CNOT6L: variants seen among roughly 807,000 people sequenced by gnomAD.
The protein encoded by CNOT6L is CCR4-NOT transcription complex subunit 6-like.
In CNOT6L, 7 loss-of-function variants were observed where a neutral mutation model predicts 64.0. The ratio of observed to expected loss-of-function variants is 0.11; its 90% CI spans 0.06 to 0.21. The LOEUF (loss-of-function observed/expected upper bound fraction) is 0.21, where lower values mean the gene tolerates loss of function less well. Ranked by LOEUF, CNOT6L falls within the 10% of genes least tolerant of loss-of-function variation. The pLI is 1.00. For missense variants in CNOT6L, 245 were observed against 669.0 expected (o/e 0.37, Z 6.99); for synonymous variants, 193 against 243.4 (o/e 0.79, Z 1.93).
chr4:77,758,348 A>G (rs565666961), intron 4 of CNOT6L, among the ~76,000 whole-genome samples: 1 of 152,348 alleles, frequency 6.6e-6, no homozygotes, highest in South Asian at 2.1e-4. Context: ...AAAGAAAATC[A>G]GTCATCAAGA....
chr4:77,726,416 C>A, intron 10 of CNOT6L, 47 bp from the exon 11 acceptor site: 1 of 1,415,396 alleles, frequency 7.1e-7, no homozygotes, highest in Non-Finnish European at 9.8e-7. Context: ...TTAGACCTTA[C>A]ACAAGGCTTC....
At chr4:77,819,371 A>C, upstream of CNOT6L, 1 of 1,607,288 alleles carries the variant, frequency 6.2e-7, no homozygotes, top group Non-Finnish European at 8.5e-7. Flanking sequence ...ACACACACAC[A>C]AACACGCGCG....
At position 77,754,165 on chromosome 4, in the gene CNOT6L, T is replaced by C. The variant is rs1269032683; in HGVS notation, c.490+2697A>G. 4.6e-5 allele frequency among the ~76,000 whole-genome samples: 7 copies of C among 152,224 alleles called. No individual in the cohort carries two copies. In the East Asian group the frequency reaches 9.6e-4, roughly 21 times the overall value. The stretch of plus-strand genomic sequence containing the variant: ...TAATTGTATACATTAAAATAAAAAA[T>C]GCATTAGCATTAAAAACTATTTAGC... On this transcript the variant is annotated intron_variant, in intron 5 of 11. Transcript: ENST00000504123.
At chr4:77,740,334 C>T (rs1017085386) in intron 8 of CNOT6L, among the ~76,000 whole-genome samples, 1 of 152,082 alleles carries the variant, frequency 6.6e-6, no homozygotes, top group African/African-American at 2.4e-5. Flanking sequence ...ATCGCCACTG[C>T]ACTCCAGCCT....
At chr4:77,763,747 T>C (rs1726499723) in intron 4 of CNOT6L, among the ~76,000 whole-genome samples, 1 of 152,312 alleles carries the variant, frequency 6.6e-6, no homozygotes, top group Admixed American at 6.5e-5. Context: ...TCATATACTA[T>C]GCCATAGGGC....
intron 4 of CNOT6L, among the ~76,000 whole-genome samples, chr4:77,770,466 A>G (rs527707031): frequency 1.8e-4 from 28 of 152,278 alleles, no homozygotes; most frequent in Admixed American, 1.2e-3. Flanking sequence ...TATCCCTTCA[A>G]TTGCTTCAAA....
At chr4:77,803,805 A>G (rs1731895146) in intron 1 of CNOT6L, among the ~76,000 whole-genome samples, 1 of 152,084 alleles carries the variant, frequency 6.6e-6, no homozygotes, top group African/African-American at 2.4e-5. Context: ...CGGGAGGCTG[A>G]GGCAGGAGAA....
At chr4:77,793,790 T>A (rs1193840014) in intron 1 of CNOT6L, among the ~76,000 whole-genome samples, 1 of 152,078 alleles carries the variant, frequency 6.6e-6, no homozygotes, top group South Asian at 2.1e-4. Flanking sequence ...TGTACAGGTA[T>A]ATGCGTTATA....
At chr4:77,760,308 G>A (rs1726051525) in intron 4 of CNOT6L, among the ~76,000 whole-genome samples, 1 of 152,092 alleles carries the variant, frequency 6.6e-6, no homozygotes, top group Non-Finnish European at 1.5e-5. Context: ...GCTGGAGTTA[G>A]AGGCTACAGT....
In CNOT6L at chr4:77,806,073, T is replaced by C. The variant is rs556501236; in HGVS notation, c.5+13231A>G. Among the ~76,000 whole-genome samples the C allele has an allele frequency of 3.3e-5, 5 of 152,312 alleles. No individual in the cohort carries two copies. In the East Asian group the frequency reaches 9.6e-4, roughly 29 times the overall value. On this transcript the variant is annotated intron_variant, in intron 1 of 11. Transcript: ENST00000504123. ...TTTTAACTTTTTTTAAAAGGCCTCC[T>C]TCTTCCCAGTCCCATCTCCTCAACT...
rs1577908902 is a variant in CNOT6L at position 77,716,675 on chromosome 4, A to G, written c.*3756T>C. 1 of 152,522 alleles carries G rather than the reference A, an allele frequency of 6.6e-6. No individual in the cohort carries two copies. The highest frequency in any genetic ancestry group is 2.1e-4 in the South Asian group (1 of 4,828). 9.4% of individuals were successfully genotyped at this position (152,522 alleles called of 1,614,324 possible). A position where few individuals can be genotyped will look rare whatever the true frequency, so the allele number is the denominator to read the frequency against. On this transcript the variant is annotated 3_prime_UTR_variant, in exon 12 of 12. Transcript: ENST00000504123. ...TAGAATCAAGTGATATGAGCCTTAG[A>G]TATCTTTCAACTTTCTCCCTTGCTT...
chr4:77,735,572 G>C (rs1246740257), intron 8 of CNOT6L, among the ~76,000 whole-genome samples: 1 of 152,096 alleles, frequency 6.6e-6, no homozygotes, highest in Non-Finnish European at 1.5e-5. Context: ...TAACTAGTTA[G>C]TGCAGTTTAG....
chr4:77,816,709 G>A (rs533719018), intron 1 of CNOT6L, among the ~76,000 whole-genome samples: 3 of 152,040 alleles, frequency 2.0e-5, no homozygotes, highest in South Asian at 2.1e-4. Context: ...AATAAATTAC[G>A]TAAGCCCTAC....
At chr4:77,758,260 G>A (rs183542092) in intron 4 of CNOT6L, among the ~76,000 whole-genome samples, 82 of 152,188 alleles carry the variant, frequency 5.4e-4, no homozygotes, top group Middle Eastern at 6.8e-3. Flanking sequence ...ATATTTTACT[G>A]AATGTAATTA....
chr4:77,758,829 A>G (rs999899005), intron 4 of CNOT6L, among the ~76,000 whole-genome samples: 1 of 152,242 alleles, frequency 6.6e-6, no homozygotes, highest in African/African-American at 2.4e-5. Flanking sequence ...AGAGAAAGTA[A>G]TGTTCTCCTT....
At chr4:77,783,689 G>A (rs888854788) in intron 1 of CNOT6L, among the ~76,000 whole-genome samples, 1 of 152,082 alleles carries the variant, frequency 6.6e-6, no homozygotes, top group Non-Finnish European at 1.5e-5. Flanking sequence ...TGGGACTGAA[G>A]ATAATAAGTT....
At chr4:77,759,552 G>A (rs189023084) in intron 4 of CNOT6L, among the ~76,000 whole-genome samples, 11 of 150,150 alleles carry the variant, frequency 7.3e-5, no homozygotes, top group African/African-American at 1.5e-4. Flanking sequence ...GCGACACAGC[G>A]TGACTCCGTC....
chr4:77,812,226 C>T (rs1031766483), intron 1 of CNOT6L, among the ~76,000 whole-genome samples: 6 of 151,870 alleles, frequency 4.0e-5, no homozygotes, highest in African/African-American at 1.2e-4. Context: ...AGGTGGATCA[C>T]GAGGTCGGCA....
At position 77,819,048 on chromosome 4, in the gene CNOT6L, C is replaced by CGA. The variant is rs746671361; in HGVS notation, c.5+254_5+255dup. Reference sequence around the variant, plus strand: ...TGGGGTCCCGGCCCCGGGCCACCCCCGACACACACACACACACACACACAC... The same window carrying CGA: ...TGGGGTCCCGGCCCCGGGCCACCCCCGAGACACACACACACACACACACACAC... On this transcript the variant is annotated intron_variant, in intron 1 of 11. Transcript: ENST00000504123. The CGA allele has an allele frequency of 1.2e-4, 63 of 526,530 alleles. 2 individuals carry two copies. Among genetic ancestry groups the CGA allele is most frequent in the South Asian group, 5.5e-4 (31 of 55,868 alleles). 32.6% of individuals were successfully genotyped at this position (526,530 alleles called of 1,614,324 possible). A position where few individuals can be genotyped will look rare whatever the true frequency, so the allele number is the denominator to read the frequency against.
Sources: gnomAD v4.1 joint callset for allele counts (sites outside exome capture counted in the v4.1 genomes callset) on GRCh38, gnomAD v4.1.1 for gene constraint, MANE v1.5 for transcripts, NCBI Gene and HGNC (gene_info 2026-07-23, HGNC 2026-07-21) for gene names.